DENND5A: variants seen among roughly 807,000 people sequenced by gnomAD.
The protein encoded by DENND5A is DENN domain-containing protein 5A.
A neutral mutation model predicts 140.3 loss-of-function variants in DENND5A; 64 were observed. The observed-to-expected ratio is 0.46, with a 90% CI of 0.37 to 0.56. DENND5A has a LOEUF of 0.56. Ranked by LOEUF, DENND5A falls within the 20% of genes least tolerant of loss-of-function variation. The pLI is 0.00. For missense variants in DENND5A, 1,292 were observed against 1,593.8 expected (o/e 0.81, Z 3.22); for synonymous variants, 605 against 607.7 (o/e 1.00, Z 0.07).
At chr11:9,230,476 A>T (rs1269650151) in intron 1 of DENND5A, among the ~76,000 whole-genome samples, 1 of 151,610 alleles carries the variant, frequency 6.6e-6, no homozygotes, top group Non-Finnish European at 1.5e-5. Context: ...CCTGGGCTTA[A>T]GCAATCCTCC....
intron 1 of DENND5A, among the ~76,000 whole-genome samples, chr11:9,232,548 T>C (rs1017822504): frequency 5.9e-5 from 9 of 152,052 alleles, no homozygotes; most frequent in Non-Finnish European, 1.3e-4. Context: ...ACCACCAGAA[T>C]AGCTAAAATG....
At chr11:9,143,180 T>C (rs1847305385) in intron 20 of DENND5A, 1 of 600,086 alleles carries the variant, frequency 1.7e-6, no homozygotes, top group African/African-American at 1.9e-5. Flanking sequence ...GCCCAGGGAC[T>C]CTATTGGGTC....
At chr11:9,231,422 C>A (rs1850764187) in intron 1 of DENND5A, among the ~76,000 whole-genome samples, 1 of 152,128 alleles carries the variant, frequency 6.6e-6, no homozygotes, top group South Asian at 2.1e-4. Flanking sequence ...AGATTTAAGA[C>A]TCTGGGAGCC....
rs373580570 is a variant in DENND5A at position 9,139,623 on chromosome 11, C to A, written c.*48G>T. The A allele has an allele frequency of 7.6e-5, 120 of 1,577,726 alleles. No homozygotes were observed. The highest frequency in any genetic ancestry group is 1.0e-4 in the Non-Finnish European group (117 of 1,157,754). On this transcript the variant is annotated 3_prime_UTR_variant, in exon 23 of 23. Transcript: ENST00000328194. Reference sequence around the variant, plus strand: ...GTCCCTTTGGGAAAAAAGGTCAGAGCTGCAGGGTGAGTCTTTCTCAGTCCT... The same window carrying A: ...GTCCCTTTGGGAAAAAAGGTCAGAGATGCAGGGTGAGTCTTTCTCAGTCCT...
At chr11:9,197,450 C>T (rs1849370435) in intron 4 of DENND5A, among the ~76,000 whole-genome samples, 1 of 150,792 alleles carries the variant, frequency 6.6e-6, no homozygotes, top group Admixed American at 6.7e-5. Context: ...AATCCCAACA[C>T]TTTGGGAGGC....
At chr11:9,185,217 T>A (rs1331460412) in intron 5 of DENND5A, among the ~76,000 whole-genome samples, 2 of 152,116 alleles carry the variant, frequency 1.3e-5, no homozygotes, top group Non-Finnish European at 2.9e-5. Flanking sequence ...CAATTATCAA[T>A]CTTTTATTTT....
chr11:9,256,993 G>A (rs1361991347), intron 1 of DENND5A, among the ~76,000 whole-genome samples: 4 of 151,990 alleles, frequency 2.6e-5, no homozygotes, highest in African/African-American at 9.7e-5. Context: ...GAGATATACT[G>A]GAGTTCTTTG....
chr11:9,172,950 G>A (rs886150590), intron 8 of DENND5A, among the ~76,000 whole-genome samples: 1 of 151,402 alleles, frequency 6.6e-6, no homozygotes, highest in Non-Finnish European at 1.5e-5. Context: ...TGAGTAGCTT[G>A]GACTACAAGC....
At chr11:9,199,789 G>A (rs946633118) in intron 4 of DENND5A, among the ~76,000 whole-genome samples, 2 of 152,146 alleles carry the variant, frequency 1.3e-5, no homozygotes, top group Non-Finnish European at 2.9e-5. Context: ...TTTTTGGCCA[G>A]AGTGATTTTT....
At chr11:9,146,889 C>T in intron 16 of DENND5A, 141 bp downstream of exon 16, 1 of 949,196 alleles carries the variant, frequency 1.1e-6, no homozygotes, top group South Asian at 1.7e-5. Flanking sequence ...GCAAGTGCAC[C>T]TCTCTCCCCA....
At chr11:9,221,429 T>TCAAACAAA (rs113255296) in intron 1 of DENND5A, among the ~76,000 whole-genome samples, 2 of 151,708 alleles carry the variant, frequency 1.3e-5, no homozygotes, top group African/African-American at 2.4e-5. Flanking sequence ...AGACTCCATC[T>TCAAACAAA]CAAACAAACA....
intron 10 of DENND5A, among the ~76,000 whole-genome samples, chr11:9,168,875 A>C (rs1355834772): frequency 6.6e-6 from 1 of 152,232 alleles, no homozygotes; most frequent in East Asian, 1.9e-4. Context: ...TCTGAAGTTA[A>C]CACTCATTTT....
At chr11:9,174,716 A>AC (rs1333968252) in intron 8 of DENND5A, among the ~76,000 whole-genome samples, 3 of 151,922 alleles carry the variant, frequency 2.0e-5, no homozygotes, top group African/African-American at 7.3e-5. Flanking sequence ...AACAACAACA[A>AC]AAAAAATCAA....
intron 22 of DENND5A, chr11:9,140,090 T>C (rs1181579785): frequency 6.1e-6 from 8 of 1,314,066 alleles, no homozygotes; most frequent in Non-Finnish European, 8.3e-6. Context: ...CCTCCTCCCC[T>C]GCCTCCCTCG....
In DENND5A at chr11:9,264,885, GC is replaced by G. The variant is rs2136315337; in HGVS notation, c.109+75del. 4 of 1,311,422 alleles carry G rather than the reference GC, an allele frequency of 3.1e-6. No individual in the cohort carries two copies. In the South Asian group the frequency reaches 5.1e-5, roughly 17 times the overall value. The allele number at this position is 1,311,422 out of a possible 1,614,324, so 81.2% of individuals were successfully genotyped here. A position where few individuals can be genotyped will look rare whatever the true frequency, so the allele number is the denominator to read the frequency against. ...CGCCCGGCTCCCGGGACAAAGCGGGGCTGAAGGAAGGTTTCTTCTGGGGTCC... is the reference window on the plus strand; with the variant it reads ...CGCCCGGCTCCCGGGACAAAGCGGGGTGAAGGAAGGTTTCTTCTGGGGTCC... On this transcript the variant is annotated intron_variant, in intron 1 of 22. Transcript: ENST00000328194.
chr11:9,187,002 T>G (rs1848935817), intron 5 of DENND5A, among the ~76,000 whole-genome samples: 1 of 152,164 alleles, frequency 6.6e-6, no homozygotes, highest in African/African-American at 2.4e-5. Context: ...GAAAATTGCT[T>G]GAACCCGTGA....
At chr11:9,183,417 TA>T (rs1157887057) in intron 5 of DENND5A, among the ~76,000 whole-genome samples, 2 of 152,004 alleles carry the variant, frequency 1.3e-5, no homozygotes, top group East Asian at 3.9e-4. Flanking sequence ...TACATATTTT[TA>T]AATTTCATAC....
chr11:9,231,008 A>C (rs928770152), intron 1 of DENND5A, among the ~76,000 whole-genome samples: 8 of 152,024 alleles, frequency 5.3e-5, no homozygotes, highest in East Asian at 3.9e-4. Flanking sequence ...AACAAAAAAA[A>C]CCCAAAAAAC....
chr11:9,180,945 A>G lies in DENND5A; in HGVS notation c.1277T>C (p.Leu426Pro), dbSNP rs1305061616. The change falls in exon 6 of 23, where the codon CTT becomes CCT. Residue 426 changes from leucine to proline, a missense_variant. This residue lies in a region of DENND5A where 566 missense variants were observed against 650.4 expected (regional missense o/e 0.87). Coordinates refer to ENST00000328194, the MANE Select transcript of DENND5A (RefSeq NM_015213.4). ...CTTGGAGGCACTCTCACTGCAATGA[A>G]GATTCCCTTCAGGGGGAATTCCAAA... ...MAFGIPPEGN[L>P]HCSESASKLK... The G allele has an allele frequency of 6.2e-7, 1 of 1,614,206 alleles. No individual in the cohort carries two copies.
Sources: allele counts gnomAD v4.1 joint callset (sites outside exome capture counted in the v4.1 genomes callset), GRCh38; gene constraint gnomAD v4.1.1; regional missense constraint gnomAD v4.1.1; transcripts MANE v1.5; gene names NCBI Gene and HGNC (gene_info 2026-07-23, HGNC 2026-07-21).